The following PRKCE variants were observed in gnomAD, a reference collection of about 807,000 sequenced individuals.
PRKCE encodes protein kinase C epsilon type.
In PRKCE, 16 loss-of-function variants were observed where a neutral mutation model predicts 85.4. That is an observed-to-expected ratio of 0.19 (90% CI 0.13 to 0.28). PRKCE has a LOEUF of 0.28. PRKCE is among the 10% of genes least tolerant of loss of function. PRKCE has a pLI of 1.00. For missense variants in PRKCE, 573 were observed against 975.2 expected (o/e 0.59, Z 5.49); for synonymous variants, 388 against 371.5 (o/e 1.04, Z -0.51).
chr2:46,016,211 G>C (rs556508762), intron 10 of PRKCE, among the ~76,000 whole-genome samples: 152 of 152,250 alleles, frequency 1.0e-3, no homozygotes, highest in Non-Finnish European at 1.2e-3. Flanking sequence ...AGCACCTATG[G>C]TGTGCAAATC....
intron 2 of PRKCE, among the ~76,000 whole-genome samples, chr2:45,856,703 C>A (rs4953276): frequency 0.11 from 16,491 of 152,222 alleles, 1,137 homozygotes; most frequent in South Asian, 0.26. Flanking sequence ...CTCCATCCCC[C>A]CTGACTTCTA....
intron 1 of PRKCE, among the ~76,000 whole-genome samples, chr2:45,819,405 G>C (rs1377071277): frequency 1.3e-5 from 2 of 152,162 alleles, no homozygotes; most frequent in Non-Finnish European, 2.9e-5. Flanking sequence ...GGGGCTGTCA[G>C]GGAGAACACC....
intron 2 of PRKCE, among the ~76,000 whole-genome samples, chr2:45,903,602 A>T (rs1696731574): frequency 6.6e-6 from 1 of 152,156 alleles, no homozygotes; most frequent in Non-Finnish European, 1.5e-5. Context: ...ATAAAGAATT[A>T]TTTTTTCTGG....
chr2:46,143,153 C>G (rs2104475481), intron 11 of PRKCE, among the ~76,000 whole-genome samples: 1 of 152,296 alleles, frequency 6.6e-6, no homozygotes, highest in African/African-American at 2.4e-5. Flanking sequence ...TGTGCTCCTC[C>G]TAACTCACAG....
chr2:46,125,054 T>C (rs775675223), intron 11 of PRKCE, among the ~76,000 whole-genome samples: 1 of 152,242 alleles, frequency 6.6e-6, no homozygotes, highest in Non-Finnish European at 1.5e-5. Context: ...ACTTTCTCCC[T>C]GTAGCCATTT....
At chr2:45,998,801 C>T (rs941166677) in intron 6 of PRKCE, among the ~76,000 whole-genome samples, 6 of 152,024 alleles carry the variant, frequency 3.9e-5, no homozygotes, top group African/African-American at 7.2e-5. Flanking sequence ...TTAATATGTT[C>T]GTATTGTTTC....
intron 2 of PRKCE, among the ~76,000 whole-genome samples, chr2:45,975,920 C>A (rs1436942785): frequency 6.6e-6 from 1 of 152,224 alleles, no homozygotes; most frequent in African/African-American, 2.4e-5. Context: ...TAGGCAGCTA[C>A]TTCTTGAGCC....
intron 1 of PRKCE, among the ~76,000 whole-genome samples, chr2:45,823,405 A>G (rs900408535): frequency 1.2e-4 from 19 of 152,242 alleles, no homozygotes; most frequent in African/African-American, 4.6e-4. Context: ...CAGACAGGCT[A>G]TTGAAACTTT....
intron 10 of PRKCE, among the ~76,000 whole-genome samples, chr2:46,061,184 G>T (rs757613276): frequency 7.3e-6 from 1 of 136,248 alleles, no homozygotes; most frequent in African/African-American, 2.8e-5. Context: ...ATCAGGGCTC[G>T]CTGCAGCCTC....
At chr2:45,681,442 T>C (rs1676895420) in intron 1 of PRKCE, among the ~76,000 whole-genome samples, 1 of 151,934 alleles carries the variant, frequency 6.6e-6, no homozygotes, top group African/African-American at 2.4e-5. Flanking sequence ...TGGAAAATGG[T>C]CCCATTATAT....
At chr2:46,126,758 G>T (rs187070006) in intron 11 of PRKCE, among the ~76,000 whole-genome samples, 1 of 152,232 alleles carries the variant, frequency 6.6e-6, no homozygotes, top group Admixed American at 6.5e-5. Context: ...CTTCCCTTGA[G>T]CAGTCCCATG....
chr2:45,973,449 G>A (rs1057285421), intron 2 of PRKCE, among the ~76,000 whole-genome samples: 4 of 152,172 alleles, frequency 2.6e-5, no homozygotes, highest in Non-Finnish European at 4.4e-5. Context: ...TCCCTCCTGT[G>A]ACCTTCTGTT....
intron 2 of PRKCE, among the ~76,000 whole-genome samples, chr2:45,965,909 C>T (rs1701699078): frequency 6.6e-6 from 1 of 151,992 alleles, no homozygotes; most frequent in Admixed American, 6.6e-5. Flanking sequence ...CATTACGTTC[C>T]ATTATGTGGG....
chr2:46,184,509 C>T lies in PRKCE; in HGVS notation c.2068-226C>T, dbSNP rs1371247666. On this transcript the variant is annotated intron_variant, in intron 14 of 14. Transcript: ENST00000306156. The surrounding 1 kb of genome is among the most constrained non-coding windows in gnomAD (Gnocchi z 5.0). Reference sequence around the variant, plus strand: ...CTGCTTTTCCATCATACCCTCTCACCCCTTCTTCCTTCTCACCTTGACTCA... The same window carrying T: ...CTGCTTTTCCATCATACCCTCTCACTCCTTCTTCCTTCTCACCTTGACTCA... Among the ~76,000 whole-genome samples the T allele has an allele frequency of 6.6e-6, 1 of 152,074 alleles. No individual in the cohort carries two copies. The highest frequency in any genetic ancestry group is 1.9e-4 in the East Asian group (1 of 5,180).
intron 2 of PRKCE, among the ~76,000 whole-genome samples, chr2:45,858,376 T>G (rs113163397): frequency 4.4e-5 from 4 of 90,364 alleles, no homozygotes; most frequent in East Asian, 7.4e-4. Flanking sequence ...AATGATGGGG[T>G]TTTTTTTTGA....
intron 10 of PRKCE, among the ~76,000 whole-genome samples, chr2:46,034,474 C>T (rs981525706): frequency 6.6e-6 from 1 of 152,190 alleles, no homozygotes; most frequent in African/African-American, 2.4e-5. Flanking sequence ...TCCATTCCAA[C>T]TCCTAATTTT....
chr2:45,777,749 C>G (rs1373235653), intron 1 of PRKCE, among the ~76,000 whole-genome samples: 1 of 152,128 alleles, frequency 6.6e-6, no homozygotes, highest in Non-Finnish European at 1.5e-5. Context: ...GACTGCACAG[C>G]CCCCACACTC....
chr2:45,955,065 ACACTCCATCACG>A (rs72488773), intron 2 of PRKCE, among the ~76,000 whole-genome samples: 65,349 of 151,376 alleles, frequency 0.43, 14,193 homozygotes, highest in Middle Eastern at 0.57. Context: ...AACAATATGA[ACACTCCATCACG>A]CACTCCATCA....
rs56287103 is a variant in PRKCE at position 45,976,857 on chromosome 2, CTGTGTGTGTGTGTGTGTG to C, written c.572+301_572+318del. ...TTAGTAACCAACAAGGATATTGTGA[CTGTGTGTGTGTGTGTGTG>C]TGTGTGTGTGTGTGTGTGTGTGTGT... On this transcript the variant is annotated intron_variant, in intron 3 of 14. Coordinates refer to ENST00000306156, the MANE Select transcript of PRKCE (RefSeq NM_005400.3). 4.7e-4 allele frequency among the ~76,000 whole-genome samples: 63 copies of C among 135,054 alleles called. 1 individual carries two copies. The highest frequency in any genetic ancestry group is 1.3e-3 in the African/African-American group (48 of 35,804). The allele number at this position is 135,054 out of a possible 152,430, so 88.6% of individuals were successfully genotyped here.
Sources: gnomAD v4.1 joint callset for allele counts (sites outside exome capture counted in the v4.1 genomes callset) on GRCh38, gnomAD v4.1.1 for gene constraint, Gnocchi (gnomAD v3.1) non-coding constraint, MANE v1.5 for transcripts, NCBI Gene and HGNC (gene_info 2026-07-23, HGNC 2026-07-21) for gene names.